FHIP2A: variants seen among roughly 807,000 people sequenced by gnomAD.
FHIP2A encodes the protein family with sequence similarity 160 member B1.
In FHIP2A, 46 loss-of-function variants were observed where a neutral mutation model predicts 93.5. The observed-to-expected ratio is 0.49, with a 90% CI of 0.39 to 0.63. FHIP2A has a LOEUF of 0.63. Ranked by LOEUF, FHIP2A falls within the 20% of genes least tolerant of loss-of-function variation. The pLI, the probability that FHIP2A is intolerant of heterozygous loss-of-function variation, is 0.00. For missense variants in FHIP2A, 769 were observed against 909.7 expected (o/e 0.85, Z 1.99); for synonymous variants, 332 against 326.5 (o/e 1.02, Z -0.18).
chr10:114,851,714 C>CAAAAAAAAAAAAAAAA (rs60649106), intron 13 of FHIP2A, among the ~76,000 whole-genome samples: 1 of 81,950 alleles, frequency 1.2e-5, no homozygotes, highest in Non-Finnish European at 2.2e-5. Flanking sequence ...TCCATTTCTG[C>CAAAAAAAAAAAAAAAA]AAAAAAAAAA....
At chr10:114,858,606 G>A (rs141196045) in intron 14 of FHIP2A, among the ~76,000 whole-genome samples, 3 of 145,472 alleles carry the variant, frequency 2.1e-5, no homozygotes, top group East Asian at 2.0e-4. Context: ...TTTACTAAAT[G>A]CATTCTTTTA....
rs530483958 is a variant in FHIP2A at position 114,891,311 on chromosome 10, A to G, written c.2193-8179A>G. Among the ~76,000 whole-genome samples the G allele has an allele frequency of 3.2e-4, 49 of 151,480 alleles. No homozygotes were observed. In the South Asian group the frequency reaches 5.0e-3, roughly 15 times the overall value. ...TTGCTTCAAAATAATTCAGTGTGAG[A>G]GAAAGAATGGGGGGCATAGAGACAT... On this transcript the variant is annotated intron_variant, in intron 16 of 16. Transcript: ENST00000369250.
Position 114,855,239 on chromosome 10 carries a change from G to C in FHIP2A, c.1846G>C (p.Gly616Arg). Residue 616 changes from glycine to arginine, a missense_variant, in exon 14 of 17, where the codon GGG (glycine) becomes CGG (arginine). Coordinates refer to ENST00000369248, the MANE Select transcript of FHIP2A (RefSeq NM_020940.4). ...CAICLRWEWPGSPKALEKCNL... is the reference protein window; with the variant it reads ...CAICLRWEWPRSPKALEKCNL... ...TATCTGCTTAAGATGGGAGTGGCCT[G>C]GGTCTCCAAAAGCATTGGAAAAGTG... 6.2e-7 allele frequency: 1 copy of C among 1,614,006 alleles called. No homozygotes were observed. Among genetic ancestry groups the C allele is most frequent in the Non-Finnish European group, 8.5e-7 (1 of 1,179,950 alleles).
chr10:114,867,600 G>T (rs910244620), downstream of FHIP2A, among the ~76,000 whole-genome samples: 2 of 152,094 alleles, frequency 1.3e-5, no homozygotes, highest in African/African-American at 4.8e-5. Flanking sequence ...TTGTCTCCTG[G>T]TTTGGGGCAC....
intron 16 of FHIP2A, among the ~76,000 whole-genome samples, chr10:114,889,527 G>A (rs757990674): frequency 6.6e-6 from 1 of 152,222 alleles, no homozygotes; most frequent in Middle Eastern, 3.4e-3. Context: ...CCCCTTGTTG[G>A]TCAACACCCT....
At chr10:114,869,988 G>A (rs565914220) in intron 16 of FHIP2A, among the ~76,000 whole-genome samples, 1 of 152,286 alleles carries the variant, frequency 6.6e-6, no homozygotes, top group Admixed American at 6.5e-5. Flanking sequence ...TCAATGGAAA[G>A]GAAAAGACTA....
chr10:114,895,973 CT>C (rs1327964853), intron 16 of FHIP2A, among the ~76,000 whole-genome samples: 2 of 152,136 alleles, frequency 1.3e-5, no homozygotes, highest in Non-Finnish European at 2.9e-5. Flanking sequence ...CCTTTATTGC[CT>C]GCTTTGTGAA....
At chr10:114,889,965 T>C (rs1462078928) in intron 16 of FHIP2A, among the ~76,000 whole-genome samples, 1 of 152,236 alleles carries the variant, frequency 6.6e-6, no homozygotes, top group Middle Eastern at 3.2e-3. Context: ...AACCCCACAG[T>C]GACCTTGCCC....
intron 13 of FHIP2A, among the ~76,000 whole-genome samples, chr10:114,854,573 G>A (rs976061642): frequency 1.3e-5 from 2 of 152,126 alleles, no homozygotes; most frequent in South Asian, 4.1e-4. Flanking sequence ...TTCATAGTTA[G>A]ATTCAACAGA....
intron 16 of FHIP2A, among the ~76,000 whole-genome samples, chr10:114,886,729 G>C (rs954056451): frequency 2.0e-5 from 3 of 151,914 alleles, no homozygotes; most frequent in African/African-American, 7.3e-5. Flanking sequence ...ATTTTTAGTA[G>C]AGACGGGGTT....
At chr10:114,875,861 GAAAGAAAGAGAAAGAAAGA>G (rs2083884095) in intron 16 of FHIP2A, among the ~76,000 whole-genome samples, 1 of 123,194 alleles carries the variant, frequency 8.1e-6, no homozygotes, top group African/African-American at 3.5e-5. Context: ...GAAAAAGAAA[GAAAGAAAGAGAAAGAAAGA>G]AAAGAAAGAG....
At chr10:114,884,917 A>AAAG (rs1358540776) in intron 16 of FHIP2A, among the ~76,000 whole-genome samples, 4 of 151,876 alleles carry the variant, frequency 2.6e-5, no homozygotes, top group African/African-American at 9.7e-5. Flanking sequence ...CCATCAAAAA[A>AAAG]AAAAAAAAAG....
chr10:114,878,328 C>G (rs924080224), intron 16 of FHIP2A, among the ~76,000 whole-genome samples: 1 of 152,320 alleles, frequency 6.6e-6, no homozygotes, highest in African/African-American at 2.4e-5. Context: ...ACTCACTGAA[C>G]TCCCTGGCCA....
chr10:114,892,944 G>T lies in FHIP2A; in HGVS notation c.2193-6546G>T, dbSNP rs558067244. 3.3e-5 allele frequency among the ~76,000 whole-genome samples: 5 copies of T among 152,252 alleles called. No individual in the cohort carries two copies. The South Asian group carries it at 1.0e-3, about 32-fold the overall frequency. ...GAACAACAACAAAAATGGAATAGAAGAATAAGCTCTAAACATTAAACAGGG... is the reference window on the plus strand; with the variant it reads ...GAACAACAACAAAAATGGAATAGAATAATAAGCTCTAAACATTAAACAGGG... On this transcript the variant is annotated intron_variant, in intron 16 of 16. Coordinates refer to the FHIP2A transcript ENST00000369250.
chr10:114,881,180 G>A (rs1404641414), intron 16 of FHIP2A, among the ~76,000 whole-genome samples: 1 of 152,102 alleles, frequency 6.6e-6, no homozygotes, highest in African/African-American at 2.4e-5. Context: ...TTATCTCTTC[G>A]CAGTGAGCGG....
chr10:114,871,050 A>G (rs2083857211), intron 16 of FHIP2A, among the ~76,000 whole-genome samples: 1 of 150,450 alleles, frequency 6.6e-6, no homozygotes, highest in Admixed American at 6.6e-5. Flanking sequence ...ACATATACAT[A>G]CATATAATTT....
Position 114,846,000 on chromosome 10 carries a change from T to G in FHIP2A, c.1129-13T>G. The G allele has an allele frequency of 6.3e-7, 1 of 1,588,238 alleles. No homozygotes were observed. The highest frequency in any genetic ancestry group is 8.6e-7 in the Non-Finnish European group (1 of 1,164,364). ...ATATTAAAAAAAAAAATGATGTTCCTACTATATTCTAGACTGCTGCTGTTG... is the reference window on the plus strand; with the variant it reads ...ATATTAAAAAAAAAAATGATGTTCCGACTATATTCTAGACTGCTGCTGTTG... On this transcript the variant is annotated splice_polypyrimidine_tract_variant and intron_variant, in intron 8 of 16. Transcript: ENST00000369248.
intron 16 of FHIP2A, among the ~76,000 whole-genome samples, chr10:114,891,409 T>C (rs1295944777): frequency 1.3e-5 from 2 of 151,762 alleles, no homozygotes; most frequent in Admixed American, 6.6e-5. Flanking sequence ...TCCATAGTAT[T>C]ATATACAGTA....
In FHIP2A at chr10:114,878,677, G is replaced by T. The variant is rs574652865; in HGVS notation, c.2192+17343G>T. On this transcript the variant is annotated intron_variant, in intron 16 of 16. Transcript: ENST00000369250. ...GCCTGTAATCCCAGCTACTTGGGAG[G>T]CTGAGGCAGACAGAAGTGCTTGAAC... Among the ~76,000 whole-genome samples the T allele has an allele frequency of 9.9e-5, 15 of 152,052 alleles. No homozygotes were observed. In the South Asian group the frequency reaches 1.5e-3, roughly 15 times the overall value.
Sources: gnomAD v4.1 joint callset for allele counts (sites outside exome capture counted in the v4.1 genomes callset) on GRCh38, gnomAD v4.1.1 for gene constraint, MANE v1.5 for transcripts, NCBI Gene and HGNC (gene_info 2026-07-23, HGNC 2026-07-21) for gene names.